REDIC1: variants seen among roughly 807,000 people sequenced by gnomAD.
REDIC1 encodes the protein regulator of DNA class I crossover intermediates 1, also known as HEI10 Interacting Protein 1.
At chr12:39,752,010 C>T in the REDIC1 span, among the ~76,000 whole-genome samples, 4 of 152,108 alleles carry the variant, frequency 2.6e-5, no homozygotes, top group Non-Finnish European at 5.9e-5. Flanking sequence ...ATGTAAGAAA[C>T]CTGCACATTG....
the REDIC1 span, among the ~76,000 whole-genome samples, chr12:39,714,049 G>T: frequency 6.0e-4 from 5 of 8,306 alleles, no homozygotes; most frequent in African/African-American, 1.0e-3. Context: ...ATATACACAT[G>T]TATATACACG....
At chr12:39,628,957 G>A in the REDIC1 span, among the ~76,000 whole-genome samples, 1 of 152,188 alleles carries the variant, frequency 6.6e-6, no homozygotes. Flanking sequence ...GTTAGGATTT[G>A]AGTTGAGTGT....
the REDIC1 span, among the ~76,000 whole-genome samples, chr12:39,794,363 T>C: frequency 2.0e-5 from 3 of 152,206 alleles, no homozygotes; most frequent in African/African-American, 7.2e-5. Flanking sequence ...TCACTGGGCA[T>C]AGAATTATAA....
At chr12:39,705,355 G>A in the REDIC1 span, among the ~76,000 whole-genome samples, 7 of 152,048 alleles carry the variant, frequency 4.6e-5, no homozygotes, top group Admixed American at 4.6e-4. Flanking sequence ...GGGACTTGAA[G>A]GCTTCACTGC....
the REDIC1 span, among the ~76,000 whole-genome samples, chr12:39,672,217 G>A: frequency 1.2e-4 from 18 of 152,132 alleles, no homozygotes; most frequent in Non-Finnish European, 1.5e-5. Flanking sequence ...AGATGCAGGG[G>A]TGTGTGGAAG....
At chr12:39,637,650 G>T in the REDIC1 span, among the ~76,000 whole-genome samples, 10 of 152,132 alleles carry the variant, frequency 6.6e-5, no homozygotes, top group East Asian at 1.9e-3. Flanking sequence ...AAATCAAAGA[G>T]ACCATTTACA....
the REDIC1 span, among the ~76,000 whole-genome samples, chr12:39,816,957 A>G: frequency 6.6e-6 from 1 of 152,102 alleles, no homozygotes; most frequent in African/African-American, 2.4e-5. Flanking sequence ...ATTTCCTTTT[A>G]TCTTGGGCAA....
At chr12:39,887,419 G>A in the REDIC1 span, among the ~76,000 whole-genome samples, 2 of 152,198 alleles carry the variant, frequency 1.3e-5, no homozygotes, top group Middle Eastern at 3.4e-3. Flanking sequence ...TCTCCACTGA[G>A]GGCTCTAGAA....
chr12:39,824,673 T>C, the REDIC1 span, among the ~76,000 whole-genome samples: 1 of 152,174 alleles, frequency 6.6e-6, no homozygotes, highest in African/African-American at 2.4e-5. Flanking sequence ...GTGTCAGCCC[T>C]GTGAGGTGTT....
At chr12:39,882,833 T>A in the REDIC1 span, among the ~76,000 whole-genome samples, 1 of 152,202 alleles carries the variant, frequency 6.6e-6, no homozygotes, top group Non-Finnish European at 1.5e-5. Context: ...TATCTATACC[T>A]CTTTTAGTAA....
chr12:39,709,968 A>T, the REDIC1 span, among the ~76,000 whole-genome samples: 2 of 151,764 alleles, frequency 1.3e-5, no homozygotes, highest in Non-Finnish European at 2.9e-5. Flanking sequence ...GTTTTTCTAC[A>T]TCCTTGCCAA....
At chr12:39,692,157 A>T in the REDIC1 span, 13 of 1,404,794 alleles carry the variant, frequency 9.3e-6, no homozygotes, top group Non-Finnish European at 1.2e-5. Flanking sequence ...TTTAAAAACT[A>T]ACAATTAAAT....
chr12:39,829,886 G>A, the REDIC1 span: 4 of 570,738 alleles, frequency 7.0e-6, no homozygotes, highest in Non-Finnish European at 1.2e-5. Flanking sequence ...AGAGAAATCT[G>A]GGTCTCCAAA....
At chr12:39,711,422 T>A in the REDIC1 span, among the ~76,000 whole-genome samples, 1 of 123,106 alleles carries the variant, frequency 8.1e-6, no homozygotes, top group East Asian at 2.3e-4. Flanking sequence ...TATATGTACT[T>A]ATGTGTATAT....
At chr12:39,711,750 CATGCATGTGTAT>C in the REDIC1 span, among the ~76,000 whole-genome samples, 2 of 107,260 alleles carry the variant, frequency 1.9e-5, no homozygotes, top group Non-Finnish European at 4.1e-5. Flanking sequence ...TGTGTATACA[CATGCATGTGTAT>C]GTGTGTGTGC....
At chr12:39,874,537 C>T in the REDIC1 span, among the ~76,000 whole-genome samples, 1 of 150,430 alleles carries the variant, frequency 6.6e-6, no homozygotes, top group Admixed American at 6.6e-5. Flanking sequence ...ATTGCTTGAA[C>T]CTGGGAGGCG....
the REDIC1 span, chr12:39,683,428 T>G: frequency 6.3e-7 from 1 of 1,597,862 alleles, no homozygotes; most frequent in Non-Finnish European, 8.6e-7. Flanking sequence ...AATTTGAAAA[T>G]GATTACCAAG....
chr12:39,727,815 C>A, the REDIC1 span, among the ~76,000 whole-genome samples: 2 of 152,112 alleles, frequency 1.3e-5, no homozygotes, highest in African/African-American at 4.8e-5. Context: ...TGTTTGTGTC[C>A]TCTCTTATTT....
the REDIC1 span, among the ~76,000 whole-genome samples, chr12:39,894,034 A>G: frequency 6.6e-6 from 1 of 152,242 alleles, no homozygotes; most frequent in Admixed American, 6.5e-5. Flanking sequence ...TGTGTAGTAC[A>G]TTTGATAGGC....
Sources: gnomAD v4.1 joint callset for allele counts (sites outside exome capture counted in the v4.1 genomes callset) on GRCh38, gnomAD v4.1.1 for gene constraint, MANE v1.5 for transcripts, NCBI Gene and HGNC (gene_info 2026-07-23, HGNC 2026-07-21) for gene names.